LGR6: variants seen among roughly 807,000 people sequenced by gnomAD.
LGR6 encodes the protein leucine-rich repeat-containing G protein-coupled receptor 6.
In LGR6, 45 loss-of-function variants were observed where a neutral mutation model predicts 69.4. The observed-to-expected ratio is 0.65, with a 90% CI of 0.51 to 0.83. The LOEUF is 0.83. Ranked by LOEUF, LGR6 falls within the 40% of genes least tolerant of loss-of-function variation. LGR6 has a pLI of 0.00. For synonymous variants in LGR6, 538 were observed against 555.0 expected, an observed-to-expected ratio of 0.97 and a Z score of 0.43; for missense variants, 1,108 against 1,246.7, an observed-to-expected ratio of 0.89 and a Z score of 1.68.
chr1:202,247,002 G>A (rs1662761829), intron 4 of LGR6, among the ~76,000 whole-genome samples: 1 of 152,234 alleles, frequency 6.6e-6, no homozygotes, highest in Non-Finnish European at 1.5e-5. Flanking sequence ...CTGTGCAGAA[G>A]GGCAGCTGTG....
intron 10 of LGR6, 27 bp downstream of exon 10, chr1:202,303,374 A>G: frequency 6.3e-7 from 1 of 1,578,516 alleles, no homozygotes; most frequent in Non-Finnish European, 8.7e-7. Flanking sequence ...TCCCTACCTT[A>G]TCTATCGCCC....
At chr1:202,195,585 C>G (rs186446234) in intron 1 of LGR6, among the ~76,000 whole-genome samples, 1 of 152,330 alleles carries the variant, frequency 6.6e-6, no homozygotes, top group Non-Finnish European at 1.5e-5. Flanking sequence ...CTGCACAGAG[C>G]CTGGGCGCTC....
intron 2 of LGR6, among the ~76,000 whole-genome samples, chr1:202,226,128 T>C (rs533433398): frequency 1.9e-3 from 284 of 152,290 alleles, no homozygotes; most frequent in Admixed American, 3.7e-3. Flanking sequence ...GTTGGGATTC[T>C]TCAATCTGGC....
intron 4 of LGR6, among the ~76,000 whole-genome samples, chr1:202,243,239 C>G (rs1662361594): frequency 6.6e-6 from 1 of 152,164 alleles, no homozygotes; most frequent in East Asian, 1.9e-4. Context: ...GTGAGCTCAG[C>G]TGGGGCGTGC....
At chr1:202,262,448 A>G (rs2148110575) in intron 4 of LGR6, among the ~76,000 whole-genome samples, 1 of 152,062 alleles carries the variant, frequency 6.6e-6, no homozygotes, top group Middle Eastern at 3.4e-3. Flanking sequence ...ATTGATCTAT[A>G]TCTCTGTTTT....
chr1:202,252,582 T>C (rs1322996574), intron 4 of LGR6, among the ~76,000 whole-genome samples: 1 of 152,190 alleles, frequency 6.6e-6, no homozygotes, highest in African/African-American at 2.4e-5. Flanking sequence ...TGCCAGCAAC[T>C]ACCTGCTGCC....
At chr1:202,262,271 A>G (rs1042015977) in intron 4 of LGR6, among the ~76,000 whole-genome samples, 1 of 152,184 alleles carries the variant, frequency 6.6e-6, no homozygotes, top group Non-Finnish European at 1.5e-5. Flanking sequence ...ATAAGGTGTA[A>G]GGAAGGGATC....
chr1:202,202,913 G>A (rs56807771), intron 1 of LGR6, among the ~76,000 whole-genome samples: 2,621 of 152,250 alleles, frequency 0.017, 73 homozygotes, highest in African/African-American at 0.059. Flanking sequence ...GCATAAGGTG[G>A]CAGAAAGGTG....
intron 6 of LGR6, among the ~76,000 whole-genome samples, chr1:202,294,826 A>G (rs1667032720): frequency 6.6e-6 from 1 of 152,186 alleles, no homozygotes; most frequent in Non-Finnish European, 1.5e-5. Flanking sequence ...ACACTGGATA[A>G]GGGAATAGCA....
chr1:202,247,170 T>G (rs899855667), intron 4 of LGR6, among the ~76,000 whole-genome samples: 5 of 152,254 alleles, frequency 3.3e-5, no homozygotes. Context: ...CCCAGGTGAT[T>G]CTGATGCACA....
At chr1:202,218,052 G>A (rs550790343) in intron 1 of LGR6, among the ~76,000 whole-genome samples, 1 of 152,322 alleles carries the variant, frequency 6.6e-6, no homozygotes, top group East Asian at 1.9e-4. Context: ...TCTCTGGTAA[G>A]AAGGTGCCAT....
At chr1:202,303,238 C>T (rs761710875) in intron 9 of LGR6, 41 bp from the exon 10 acceptor site, 4 of 1,485,424 alleles carry the variant, frequency 2.7e-6, no homozygotes, top group Non-Finnish European at 3.8e-6. Flanking sequence ...TGTTGAGATG[C>T]TCTGACCCCA....
chr1:202,230,545 G>C (rs546132447), intron 3 of LGR6, among the ~76,000 whole-genome samples: 1 of 152,338 alleles, frequency 6.6e-6, no homozygotes. Flanking sequence ...GAAAATGCCC[G>C]AGCCTCTGAG....
At chr1:202,317,841 T>C (rs1553255938) in intron 17 of LGR6, 111 bp from the exon 18 acceptor site, 6 of 1,128,710 alleles carry the variant, frequency 5.3e-6, no homozygotes, top group Admixed American at 2.4e-5. Context: ...GCAAGGGCCA[T>C]GTTCATCTCC....
intron 1 of LGR6, chr1:202,210,802 G>A (rs907762325): frequency 2.6e-5 from 4 of 152,178 alleles, no homozygotes; most frequent in Non-Finnish European, 4.4e-5. Flanking sequence ...GTATGTGCCT[G>A]CCCCTAGGCT....
chr1:202,303,332 C>T lies in LGR6; in HGVS notation c.983C>T (p.Thr328Ile). Residue 328 changes from threonine (T) to isoleucine (I), a missense_variant, in exon 10 of 18, where the codon ACC (threonine) becomes ATC (isoleucine). By Grantham distance (89) the Thr-to-Ile change is moderately conservative (BLOSUM62 -1). Transcript: ENST00000367278. ...IQEFPDLKGT[T>I]SLEILTLTRA... The stretch of plus-strand genomic sequence containing the variant: ...GAGTTTCCAGATCTCAAAGGCACCA[C>T]CAGCCTGGAGATCCTGTGAGTGGCT... 1 of 1,613,642 alleles carries T rather than the reference C, an allele frequency of 6.2e-7. No individual in the cohort carries two copies. Among genetic ancestry groups the T allele is most frequent in the Non-Finnish European group, 8.5e-7 (1 of 1,179,552 alleles).
intron 1 of LGR6, among the ~76,000 whole-genome samples, chr1:202,203,565 A>G (rs978863695): frequency 6.6e-6 from 1 of 151,814 alleles, no homozygotes; most frequent in Non-Finnish European, 1.5e-5. Context: ...TCATTCAATC[A>G]CTCATTTGTT....
At position 202,227,353 on chromosome 1, in the gene LGR6, G is replaced by A. The variant is rs949496093; in HGVS notation, c.285-583G>A. The stretch of plus-strand genomic sequence containing the variant: ...GCATTGAGTGTATTTCGTTGCATTT[G>A]CTCCTTTTAGAATTGGTGATTGCCC... On this transcript the variant is annotated intron_variant, in intron 2 of 17. Transcript: ENST00000367278. Among the ~76,000 whole-genome samples the A allele has an allele frequency of 2.6e-5, 4 of 152,134 alleles. No individual in the cohort carries two copies. In the East Asian group the frequency reaches 7.7e-4, roughly 29 times the overall value.
intron 9 of LGR6, 143 bp downstream of exon 9, chr1:202,301,378 T>TC: frequency 1.4e-6 from 1 of 693,186 alleles, no homozygotes; most frequent in Non-Finnish European, 2.5e-6. Context: ...GCTGCAGGCC[T>TC]CTGCTTTGCT....
Sources: allele counts gnomAD v4.1 joint callset (sites outside exome capture counted in the v4.1 genomes callset), GRCh38; gene constraint gnomAD v4.1.1; transcripts MANE v1.5; gene names NCBI Gene and HGNC (gene_info 2026-07-23, HGNC 2026-07-21).